The following KRAS variants were observed in gnomAD, a reference collection of about 807,000 sequenced individuals.
KRAS encodes GTPase KRas.
Under a neutral mutation model 21.0 loss-of-function variants are expected in KRAS, and 1 was observed. That is an observed-to-expected ratio of 0.05 (90% CI 0.02 to 0.23). The LOEUF (loss-of-function observed/expected upper bound fraction) is 0.23, where lower values mean the gene tolerates loss of function less well. Among genes scored for constraint, KRAS ranks in the 10% least tolerant of loss-of-function variants. The pLI, the probability that KRAS is intolerant of heterozygous loss-of-function variation, is 1.00. For missense variants in KRAS, 107 were observed against 221.8 expected, an observed-to-expected ratio of 0.48 and a Z score of 3.29; for synonymous variants, 67 against 72.5, an observed-to-expected ratio of 0.92 and a Z score of 0.39.
chr12:25,228,915 C>G (rs34088434), intron 2 of KRAS, among the ~76,000 whole-genome samples: 1 of 151,934 alleles, frequency 6.6e-6, no homozygotes, highest in Non-Finnish European at 1.5e-5. Flanking sequence ...AAATATTAGC[C>G]GGGCGTGGTG....
At chr12:25,250,405 G>A (rs1951750158) in intron 1 of KRAS, among the ~76,000 whole-genome samples, 2 of 152,158 alleles carry the variant, frequency 1.3e-5, no homozygotes, top group African/African-American at 4.8e-5. Flanking sequence ...ACCGCTCCGA[G>A]GGGCAGCCGG....
intron 2 of KRAS, chr12:25,234,462 T>C: frequency 5.5e-6 from 1 of 182,390 alleles, no homozygotes; most frequent in East Asian, 9.0e-5. Flanking sequence ...TTAAAATGGA[T>C]TTCATATTTT....
chr12:25,221,554 T>C (rs543273626), intron 4 of KRAS, among the ~76,000 whole-genome samples: 2 of 152,126 alleles, frequency 1.3e-5, no homozygotes, highest in South Asian at 2.1e-4. Context: ...TTTTATACTA[T>C]GCACAAGCTA....
At chr12:25,238,170 TAGAG>T (rs896191833) in intron 2 of KRAS, among the ~76,000 whole-genome samples, 1 of 152,224 alleles carries the variant, frequency 6.6e-6, no homozygotes, top group African/African-American at 2.4e-5. Flanking sequence ...AGCTTAGTAC[TAGAG>T]AGAATTAAGT....
rs1024065757 is a variant in KRAS at position 25,245,772 on chromosome 12, C to G, written c.-11-377G>C. The stretch of plus-strand genomic sequence containing the variant: ...TAGAGACTTCACAGTGCTCTACACC[C>G]TGTAGCACACCCTCACAAAAGTTGC... On this transcript the variant is annotated intron_variant, in intron 1 of 4. Coordinates refer to ENST00000311936, the MANE Select transcript of KRAS (RefSeq NM_004985.5). 2.6e-5 allele frequency among the ~76,000 whole-genome samples: 4 copies of G among 152,190 alleles called. No homozygotes were observed. In the East Asian group the frequency reaches 7.7e-4, roughly 29 times the overall value.
intron 4 of KRAS, among the ~76,000 whole-genome samples, chr12:25,224,914 ATCTT>A (rs1272868702): frequency 6.6e-6 from 1 of 152,154 alleles, no homozygotes; most frequent in African/African-American, 2.4e-5. Context: ...ATTCCTTCCT[ATCTT>A]TATGTATTCA....
In KRAS at chr12:25,206,032, A is replaced by G. The variant is rs1951134785; in HGVS notation, c.*3763T>C. ...AATCATTACTTTTTGACAAATGGAA[A>G]TCTTCAGATAGTTTTTGCTGTCTAA... On this transcript the variant is annotated 3_prime_UTR_variant, in exon 5 of 5. Coordinates refer to ENST00000311936, the MANE Select transcript of KRAS (RefSeq NM_004985.5). 2.4e-5 allele frequency: 5 copies of G among 209,334 alleles called. No homozygotes were observed. The South Asian group carries it at 9.4e-4, about 39-fold the overall frequency. The allele number at this position is 209,334 out of a possible 1,614,324, so 13.0% of individuals were successfully genotyped here.
chr12:25,227,032 C>T (rs1377547748), intron 3 of KRAS, among the ~76,000 whole-genome samples: 1 of 152,184 alleles, frequency 6.6e-6, no homozygotes, highest in Non-Finnish European at 1.5e-5. Flanking sequence ...AGCACCACCA[C>T]TACCGATGCA....
intron 4 of KRAS, among the ~76,000 whole-genome samples, chr12:25,222,548 G>A (rs1351062690): frequency 6.6e-6 from 1 of 152,042 alleles, no homozygotes; most frequent in East Asian, 1.9e-4. Context: ...TAAAAGAAAG[G>A]TTGAGTGCTC....
chr12:25,234,670 A>G (rs1951521315), intron 2 of KRAS: 2 of 188,432 alleles, frequency 1.1e-5, no homozygotes, highest in Non-Finnish European at 2.2e-5. Context: ...CTGGTTTATT[A>G]AATGCCTTTA....
At chr12:25,242,228 A>G (rs375607327) in intron 2 of KRAS, among the ~76,000 whole-genome samples, 2 of 152,252 alleles carry the variant, frequency 1.3e-5, no homozygotes, top group African/African-American at 4.8e-5. Context: ...AAACAATTAG[A>G]GCCTGGGAAA....
chr12:25,235,533 C>T (rs892879720), intron 2 of KRAS, among the ~76,000 whole-genome samples: 4 of 152,058 alleles, frequency 2.6e-5, no homozygotes, highest in African/African-American at 9.7e-5. Context: ...TGACCTCAAG[C>T]AACTAAGGTG....
chr12:25,245,487 T>C, intron 1 of KRAS, 92 bp from the exon 2 acceptor site: 4 of 1,252,002 alleles, frequency 3.2e-6, no homozygotes, highest in Non-Finnish European at 4.5e-6. Flanking sequence ...TACCTTTTAA[T>C]ACAAACTCAC....
At chr12:25,224,471 C>A (rs541188746) in intron 4 of KRAS, among the ~76,000 whole-genome samples, 38 of 151,742 alleles carry the variant, frequency 2.5e-4, no homozygotes, top group Non-Finnish European at 4.7e-4. Context: ...AAAAAGCTTA[C>A]AGAATAAAGA....
At chr12:25,231,008 G>T (rs1417556423) in intron 2 of KRAS, among the ~76,000 whole-genome samples, 2 of 151,054 alleles carry the variant, frequency 1.3e-5, no homozygotes, top group African/African-American at 4.9e-5. Flanking sequence ...CAGAGTCTTA[G>T]AGTCAACCCA....
intron 1 of KRAS, among the ~76,000 whole-genome samples, chr12:25,248,349 C>A (rs1951713998): frequency 6.9e-6 from 1 of 145,062 alleles, no homozygotes; most frequent in Admixed American, 6.7e-5. Flanking sequence ...ACTCGGGAAG[C>A]TGAGGCGGGA....
chr12:25,212,373 A>G (rs577761863), intron 4 of KRAS, among the ~76,000 whole-genome samples: 2 of 152,338 alleles, frequency 1.3e-5, no homozygotes, highest in South Asian at 4.1e-4. Context: ...TAAGATTCTG[A>G]CAAAGATTCT....
chr12:25,249,664 T>C (rs79359148), intron 1 of KRAS, among the ~76,000 whole-genome samples: 1,885 of 149,674 alleles, frequency 0.013, 92 homozygotes, highest in East Asian at 0.097. Flanking sequence ...TTGCTACAAT[T>C]CCTCTGTAAG....
rs559097129 is a variant in KRAS at position 25,207,779 on chromosome 12, T to C, written c.*2016A>G. ...AAAGCATCAGCCACCACCTGAAAAT[T>C]AGTGATTAGGTCAAATCCCTTTATG... On this transcript the variant is annotated 3_prime_UTR_variant, in exon 5 of 5. Coordinates refer to ENST00000311936, the MANE Select transcript of KRAS (RefSeq NM_004985.5). 8.6e-5 allele frequency: 20 copies of C among 233,048 alleles called. No homozygotes were observed. Among genetic ancestry groups the C allele is most frequent in the African/African-American group, 4.0e-4 (18 of 45,450 alleles). The allele number at this position is 233,048 out of a possible 1,614,324, so 14.4% of individuals were successfully genotyped here.
Sources: allele counts gnomAD v4.1 joint callset (sites outside exome capture counted in the v4.1 genomes callset), GRCh38; gene constraint gnomAD v4.1.1; transcripts MANE v1.5; gene names NCBI Gene and HGNC (gene_info 2026-07-23, HGNC 2026-07-21).